The following ZNF347 variants were observed in gnomAD, a reference collection of about 807,000 sequenced individuals.
ZNF347 encodes the protein zinc finger protein 347, also known as CTD-2620I22.7.
In ZNF347, 19 loss-of-function variants were observed where a neutral mutation model predicts 12.9. That is an observed-to-expected ratio of 1.47 (90% CI 1.03 to 2.16). The LOEUF is 2.16. Among genes scored for constraint, ZNF347 ranks in the 30% most tolerant of loss-of-function variants. ZNF347 has a pLI of 0.00. For synonymous variants in ZNF347, 328 were observed against 340.6 expected, an observed-to-expected ratio of 0.96 and a Z score of 0.41; for missense variants, 1,005 against 990.6, an observed-to-expected ratio of 1.01 and a Z score of -0.19.
At position 53,140,945 on chromosome 19, in the gene ZNF347, T is replaced by C; in HGVS notation, c.1883A>G (p.Asn628Ser). The C allele has an allele frequency of 1.9e-6, 3 of 1,613,808 alleles. No individual in the cohort carries two copies. The highest frequency in any genetic ancestry group is 2.5e-6 in the Non-Finnish European group (3 of 1,179,948). Residue 628 changes from asparagine to serine, a missense_variant, in exon 5 of 5, where the codon AAT becomes AGT. Asn to Ser is a conservative substitution (Grantham distance 46). Transcript: ENST00000334197. ...IHTGEKPYKY[N>S]EYGKAFSEHS... ...TTCACTAAAGGCTTTGCCATACTCA[T>C]TATACTTGTAAGGTTTCTCTCCAGT... is the stretch of plus-strand genomic sequence containing the variant.
chr19:53,148,862 G>A, intron 3 of ZNF347, 53 bp from the exon 4 acceptor site: 1 of 1,588,104 alleles, frequency 6.3e-7, no homozygotes, highest in Non-Finnish European at 8.6e-7. Flanking sequence ...CAGAGTCCCA[G>A]TCCTATGTTT....
intron 2 of ZNF347, among the ~76,000 whole-genome samples, chr19:53,151,415 G>A (rs147982994): frequency 0.069 from 10,392 of 151,674 alleles, 420 homozygotes; most frequent in Middle Eastern, 0.085. Flanking sequence ...GCGGGCACCT[G>A]TAGTCTCAGC....
Position 53,142,253 on chromosome 19 carries a change from A to G in ZNF347, c.575T>C (p.Leu192Pro). 1 of 1,613,660 alleles carries G rather than the reference A, an allele frequency of 6.2e-7. No individual in the cohort carries two copies. The change falls in exon 5 of 5, where the codon CTG becomes CCG. Residue 192 changes from leucine to proline, a missense_variant. Coordinates refer to ENST00000334197, the MANE Select transcript of ZNF347 (RefSeq NM_032584.3). Reference protein sequence around the residue: ...NQLGLSLQSHLPELQLFQYEG... With the variant: ...NQLGLSLQSHPPELQLFQYEG... Reference sequence around the variant, plus strand: ...ATATTGAAAAAGCTGCAGTTCAGGCAGATGTGACTGAAGGCTTAATCCAAG... The same window carrying G: ...ATATTGAAAAAGCTGCAGTTCAGGCGGATGTGACTGAAGGCTTAATCCAAG...
chr19:53,148,722 C>T lies in ZNF347; in HGVS notation c.230G>A (p.Gly77Glu). 6.2e-7 allele frequency: 1 copy of T among 1,614,052 alleles called. No individual in the cohort carries two copies. The highest frequency in any genetic ancestry group is 8.5e-7 in the Non-Finnish European group (1 of 1,179,956). The change falls in exon 4 of 5, where the codon GGA becomes GAA. Residue 77 changes from glycine (G) to glutamate (E), a missense_variant. Physicochemically the swap from Gly to Glu is moderately conservative, Grantham distance 98. Transcript: ENST00000334197. ...GATCCATTCCCATCCATCTGGGTTT[C>T]CTGCTATTTGTACTTGGCTCTCCAA... ...FTLESQVQIA[G>E]NPDGWEWIKA...
rs936640310 is a variant in ZNF347, at chr19:53,156,055, G to C, written c.-46-2262C>G. Among the ~76,000 whole-genome samples the C allele has an allele frequency of 2.6e-3, 362 of 137,554 alleles. 25 individuals are homozygous for C. The highest frequency in any genetic ancestry group is 9.1e-3 in the African/African-American group (342 of 37,572). The allele number at this position is 137,554 out of a possible 152,430, so 90.2% of individuals were successfully genotyped here. On this transcript the variant is annotated intron_variant, in intron 1 of 4. Transcript: ENST00000334197. The stretch of plus-strand genomic sequence containing the variant: ...AGGGGACTCCCAGCTCGGGGGGGGG[G>C]GGGGGTTAGGCGGGGGTCCTACAAT...
At chr19:53,144,624 A>AT (rs892521215) in intron 4 of ZNF347, among the ~76,000 whole-genome samples, 7 of 152,126 alleles carry the variant, frequency 4.6e-5, no homozygotes, top group African/African-American at 7.2e-5. Context: ...GACTTTTTAA[A>AT]TTTTTTTTCT....
rs917329980 is a variant in ZNF347, at chr19:53,140,513, T to C, written c.2315A>G (p.Lys772Arg). The change falls in exon 5 of 5, where the codon AAA (lysine) becomes AGA (arginine). Residue 772 changes from lysine (K) to arginine (R), a missense_variant. Coordinates refer to ENST00000334197, the MANE Select transcript of ZNF347 (RefSeq NM_032584.3). ...EKPYKCNECG[K>R]AFSQTSKLAR... ...AAGTTTTGAAGTTTGACTAAAGGCT[T>C]TGCCACACTCATTACACTTGTAAGG... The C allele has an allele frequency of 3.7e-6, 6 of 1,613,936 alleles. No individual in the cohort carries two copies. Among genetic ancestry groups the C allele is most frequent in the Non-Finnish European group, 5.1e-6 (6 of 1,179,940 alleles).
chr19:53,143,164 CAA>C (rs1599853663), intron 4 of ZNF347, among the ~76,000 whole-genome samples: 2 of 151,992 alleles, frequency 1.3e-5, no homozygotes, highest in African/African-American at 2.4e-5. Flanking sequence ...TTTTTGCAAT[CAA>C]AGTTAGTTGA....
At position 53,135,244 on chromosome 19, in the gene ZNF347, A is replaced by G. The variant is rs2090378363; in HGVS notation, c.*5064T>C. 1 of 150,296 alleles carries G rather than the reference A, an allele frequency of 6.7e-6. No homozygotes were observed. Among genetic ancestry groups the G allele is most frequent in the African/African-American group, 2.5e-5 (1 of 40,698 alleles). 9.3% of individuals were successfully genotyped at this position (150,296 alleles called of 1,614,324 possible). ...TGGAAATCTTTTTATGTGCCTATTTATCTCAGTATAACTGCTTCAGTGAAA... is the reference window on the plus strand; with the variant it reads ...TGGAAATCTTTTTATGTGCCTATTTGTCTCAGTATAACTGCTTCAGTGAAA... On this transcript the variant is annotated 3_prime_UTR_variant, in exon 5 of 5. Coordinates refer to ENST00000334197, the MANE Select transcript of ZNF347 (RefSeq NM_032584.3).
chr19:53,143,677 A>G (rs529223645), intron 4 of ZNF347, among the ~76,000 whole-genome samples: 1 of 152,104 alleles, frequency 6.6e-6, no homozygotes, highest in Admixed American at 6.6e-5. Context: ...GAATAGTGCC[A>G]CAATAAACAT....
At chr19:53,149,900 G>A (rs753930637) in intron 2 of ZNF347, among the ~76,000 whole-genome samples, 3 of 152,068 alleles carry the variant, frequency 2.0e-5, no homozygotes, top group South Asian at 2.1e-4. Flanking sequence ...TTACAGGCAT[G>A]CACCACCACG....
In ZNF347 at chr19:53,140,269, T is replaced by G; in HGVS notation, c.*39A>C. The G allele has an allele frequency of 6.6e-7, 1 of 1,506,416 alleles. No individual in the cohort carries two copies. Among genetic ancestry groups the G allele is most frequent in the East Asian group, 2.3e-5 (1 of 44,118 alleles). The allele number at this position is 1,506,416 out of a possible 1,614,324, so 93.3% of individuals were successfully genotyped here. On this transcript the variant is annotated 3_prime_UTR_variant, in exon 5 of 5. Coordinates refer to ENST00000334197, the MANE Select transcript of ZNF347 (RefSeq NM_032584.3). ...CGTTGTCAAAGGAATGAATTCTAAC[T>G]GCAAAAGTTACCACCTTCATTTGTA...
Position 53,141,629 on chromosome 19 carries a change from G to T in ZNF347, c.1199C>A (p.Pro400His). 6.2e-7 allele frequency: 1 copy of T among 1,613,976 alleles called. No individual in the cohort carries two copies. Among genetic ancestry groups the T allele is most frequent in the South Asian group, 1.1e-5 (1 of 91,048 alleles). ...CTTGCCACATTCATTACATTTGTAA[G>T]GTTTTTCTCCACTGTGGGTTGCCTG... ...IHQATHSGEK[P>H]YKCNECGKVF... The change falls in exon 5 of 5, where the codon CCT (proline) becomes CAT (histidine). Residue 400 changes from proline to histidine, a missense_variant. Pro to His is a moderately conservative substitution (Grantham distance 77). Transcript: ENST00000334197.
In ZNF347 at chr19:53,142,458, G is replaced by A; in HGVS notation, c.370C>T (p.Gln124Ter). 1.2e-6 allele frequency: 2 copies of A among 1,613,882 alleles called. No individual in the cohort carries two copies. Among genetic ancestry groups the A allele is most frequent in the South Asian group, 2.2e-5 (2 of 91,064 alleles). ...QTVMLERQES[Q>*]DIEGCSFREV... ...CTGAAGGAACATCCTTCAATGTCTTGGCTTTCCTGTCTTTCCAACATCACT... is the reference window on the plus strand; with the variant it reads ...CTGAAGGAACATCCTTCAATGTCTTAGCTTTCCTGTCTTTCCAACATCACT... Residue 124 changes from glutamine (Q) to a stop codon, truncating the protein, a stop_gained, in exon 5 of 5, where the codon CAA (glutamine) becomes TAA (stop). Transcript: ENST00000334197. LOFTEE classifies it low-confidence loss of function (END_TRUNC).
chr19:53,149,618 C>A, intron 2 of ZNF347: 7 of 581,590 alleles, frequency 1.2e-5, no homozygotes, highest in Non-Finnish European at 1.6e-5. Context: ...TTCAGAATGG[C>A]GGGGTGGTCA....
rs1175462255 is a variant in ZNF347, at chr19:53,136,606, A to T, written c.*3702T>A. ...AAAAAAAAAAGAAAAGAAGCTATGG[A>T]GAATATGTTACACAATACCATAAAC... On this transcript the variant is annotated 3_prime_UTR_variant, in exon 5 of 5. Coordinates refer to ENST00000334197, the MANE Select transcript of ZNF347 (RefSeq NM_032584.3). 5 of 152,128 alleles carry T rather than the reference A, an allele frequency of 3.3e-5. No individual in the cohort carries two copies. Among genetic ancestry groups the T allele is most frequent in the African/African-American group, 1.2e-4 (5 of 41,440 alleles). The allele number at this position is 152,128 out of a possible 1,614,324, so 9.4% of individuals were successfully genotyped here.
rs754042149 is a variant in ZNF347 at position 53,141,079 on chromosome 19, G to T, written c.1749C>A (p.His583Gln). The part of the protein sequence containing the change: ...ECGKVFTQNS[H>Q]LARHRGIHTG... ...TATGAATTCCCCGATGTCTTGCAAG[G>T]TGTGAATTCTGAGTGAAGACCTTGC... Residue 583 changes from histidine (H) to glutamine (Q), a missense_variant, in exon 5 of 5, where the codon CAC becomes CAA. Coordinates refer to ENST00000334197, the MANE Select transcript of ZNF347 (RefSeq NM_032584.3). 2.9e-5 allele frequency: 47 copies of T among 1,613,704 alleles called. 1 individual carries two copies. The highest frequency in any genetic ancestry group is 4.0e-5 in the Non-Finnish European group (47 of 1,179,950).
chr19:53,141,595 A>G lies in ZNF347; in HGVS notation c.1233T>C (p.Thr411=), dbSNP rs756625620. The part of the protein sequence containing the change: ...YKCNECGKVF[T]QNSHLTNHWR... ...AGTGATTTGTAAGGTGTGAATTTTG[A>G]GTGAAGACCTTGCCACATTCATTAC... The change falls in exon 5 of 5, where the codon ACT becomes ACC. Residue 411 remains threonine, a synonymous_variant. Coordinates refer to ENST00000334197, the MANE Select transcript of ZNF347 (RefSeq NM_032584.3). The G allele has an allele frequency of 3.7e-6, 6 of 1,613,948 alleles. No individual in the cohort carries two copies. In the South Asian group the frequency reaches 6.6e-5, roughly 18 times the overall value.
intron 4 of ZNF347, 73 bp from the exon 5 acceptor site, chr19:53,142,629 A>G (rs1444202814): frequency 6.8e-6 from 8 of 1,174,428 alleles, no homozygotes; most frequent in South Asian, 1.8e-5. Flanking sequence ...CCGAAAAACA[A>G]TATTACACCG....
Sources: allele counts gnomAD v4.1 joint callset (sites outside exome capture counted in the v4.1 genomes callset), GRCh38; gene constraint gnomAD v4.1.1; transcripts MANE v1.5; gene names NCBI Gene and HGNC (gene_info 2026-07-23, HGNC 2026-07-21).